SPATA16: variants seen among roughly 807,000 people sequenced by gnomAD.
SPATA16 encodes spermatogenesis associated 16, also known as spermatogenesis-associated protein 16.
Under a neutral mutation model 63.3 loss-of-function variants are expected in SPATA16, and 36 were observed. The ratio of observed to expected loss-of-function variants is 0.57; its 90% CI spans 0.44 to 0.75. The LOEUF (loss-of-function observed/expected upper bound fraction) is 0.75, where lower values mean the gene tolerates loss of function less well. SPATA16 is among the 30% of genes least tolerant of loss of function. SPATA16 has a pLI of 0.00. For missense variants in SPATA16, 646 were observed against 679.3 expected, an observed-to-expected ratio of 0.95 and a Z score of 0.54; for synonymous variants, 203 against 216.7, an observed-to-expected ratio of 0.94 and a Z score of 0.56.
intron 2 of SPATA16, among the ~76,000 whole-genome samples, chr3:173,076,345 C>T (rs912000001): frequency 1.3e-5 from 2 of 151,936 alleles, no homozygotes; most frequent in African/African-American, 4.8e-5. Flanking sequence ...TAGTTCTGAG[C>T]TCATTTAATC....
At chr3:172,912,374 A>G (rs1056318239) in intron 10 of SPATA16, among the ~76,000 whole-genome samples, 1 of 152,194 alleles carries the variant, frequency 6.6e-6, no homozygotes, top group Admixed American at 6.5e-5. Flanking sequence ...GCTGAGCACA[A>G]TATTTCCAAT....
chr3:173,072,177 CAG>C (rs1369063795), intron 2 of SPATA16, among the ~76,000 whole-genome samples: 1 of 152,116 alleles, frequency 6.6e-6, no homozygotes, highest in African/African-American at 2.4e-5. Context: ...TGCCCATAAA[CAG>C]AGGATTGGAT....
intron 1 of SPATA16, among the ~76,000 whole-genome samples, chr3:173,126,274 C>T (rs1162846456): frequency 6.6e-6 from 1 of 152,180 alleles, no homozygotes; most frequent in Non-Finnish European, 1.5e-5. Flanking sequence ...TCCATGAGGA[C>T]TCAATTGTAT....
At chr3:173,138,318 A>C (rs924251684) in intron 1 of SPATA16, among the ~76,000 whole-genome samples, 2 of 152,200 alleles carry the variant, frequency 1.3e-5, no homozygotes, top group Non-Finnish European at 2.9e-5. Context: ...GACCAGGTTG[A>C]GTGCCAGTAA....
intron 10 of SPATA16, among the ~76,000 whole-genome samples, chr3:172,895,312 T>G (rs895734400): frequency 3.9e-5 from 6 of 152,186 alleles, no homozygotes; most frequent in African/African-American, 7.2e-5. Context: ...TGACAACCAC[T>G]AATAAACTAA....
chr3:172,985,084 G>T (rs942501469), intron 4 of SPATA16, among the ~76,000 whole-genome samples: 2 of 152,148 alleles, frequency 1.3e-5, no homozygotes, highest in Non-Finnish European at 1.5e-5. Flanking sequence ...ATTCACTGTG[G>T]TTGATTCAAC....
At chr3:172,916,248 T>TTA in intron 9 of SPATA16, 69 bp downstream of exon 9, 1 of 1,538,986 alleles carries the variant, frequency 6.5e-7, no homozygotes, top group Non-Finnish European at 8.9e-7. Flanking sequence ...TTTTTTTTTT[T>TTA]CCCCAGACCA....
At chr3:172,920,162 C>T (rs1732587478) in intron 8 of SPATA16, among the ~76,000 whole-genome samples, 1 of 152,204 alleles carries the variant, frequency 6.6e-6, no homozygotes, top group Non-Finnish European at 1.5e-5. Context: ...TGAGCCCTAG[C>T]TGTGTGAACT....
chr3:172,993,177 C>T (rs908460175), intron 4 of SPATA16, among the ~76,000 whole-genome samples: 1 of 146,594 alleles, frequency 6.8e-6, no homozygotes, highest in African/African-American at 2.6e-5. Context: ...AAAATCCAAC[C>T]TTTGTTGGAT....
At chr3:173,134,144 A>G (rs1270864338) in intron 1 of SPATA16, among the ~76,000 whole-genome samples, 3 of 152,218 alleles carry the variant, frequency 2.0e-5, no homozygotes, top group African/African-American at 7.2e-5. Flanking sequence ...GAAAAGAATA[A>G]AAAGTCCAGT....
In SPATA16 at chr3:172,889,456, T is replaced by C. The variant is rs1731848845; in HGVS notation, c.*114A>G. The C allele has an allele frequency of 4.0e-6, 6 of 1,487,332 alleles. No individual in the cohort carries two copies. In the East Asian group the frequency reaches 1.4e-4, roughly 34 times the overall value. The allele number at this position is 1,487,332 out of a possible 1,614,324, so 92.1% of individuals were successfully genotyped here. On this transcript the variant is annotated 3_prime_UTR_variant, in exon 11 of 11. Coordinates refer to ENST00000351008, the MANE Select transcript of SPATA16 (RefSeq NM_031955.6). ...TGAACTGAGGGGAATACCACCTCTT[T>C]CTTTTGGTGACAAGCTTTTGTTATC...
chr3:173,015,958 A>AT (rs1735177648), intron 4 of SPATA16, among the ~76,000 whole-genome samples: 1 of 152,082 alleles, frequency 6.6e-6, no homozygotes, highest in Non-Finnish European at 1.5e-5. Flanking sequence ...GTCAACACAG[A>AT]TTTTTTGTAT....
intron 4 of SPATA16, among the ~76,000 whole-genome samples, chr3:172,978,182 G>C (rs1734213832): frequency 6.7e-6 from 1 of 149,382 alleles, no homozygotes; most frequent in Admixed American, 6.6e-5. Flanking sequence ...TATAAACACA[G>C]GTAGTATTGG....
At chr3:173,023,262 G>C (rs189071731) in intron 3 of SPATA16, among the ~76,000 whole-genome samples, 1 of 151,196 alleles carries the variant, frequency 6.6e-6, no homozygotes, top group African/African-American at 2.4e-5. Flanking sequence ...CAATTCGCTT[G>C]ATAAATAATC....
intron 4 of SPATA16, among the ~76,000 whole-genome samples, chr3:173,005,394 AAG>A (rs1479820784): frequency 2.0e-5 from 3 of 151,224 alleles, no homozygotes; most frequent in Non-Finnish European, 4.4e-5. Context: ...GAAGGGAGGG[AAG>A]AGATTTAACA....
intron 2 of SPATA16, among the ~76,000 whole-genome samples, chr3:173,092,940 C>A (rs530014725): frequency 1.3e-5 from 2 of 151,618 alleles, no homozygotes; most frequent in Non-Finnish European, 2.9e-5. Flanking sequence ...GAAGTAGTCC[C>A]CTCCTGTTAT....
chr3:173,013,708 T>C (rs1735121433), intron 4 of SPATA16, among the ~76,000 whole-genome samples: 2 of 152,252 alleles, frequency 1.3e-5, no homozygotes, highest in African/African-American at 4.8e-5. Flanking sequence ...ACCTTCACTA[T>C]GGCACCCAGG....
At chr3:173,084,212 T>C (rs993951522) in intron 2 of SPATA16, among the ~76,000 whole-genome samples, 1 of 151,972 alleles carries the variant, frequency 6.6e-6, no homozygotes, top group African/African-American at 2.4e-5. Flanking sequence ...ATAATTGTCA[T>C]TCTGTCATGA....
intron 4 of SPATA16, among the ~76,000 whole-genome samples, chr3:172,994,186 GT>G (rs1013910378): frequency 2.0e-5 from 3 of 152,102 alleles, no homozygotes; most frequent in Non-Finnish European, 4.4e-5. Context: ...CCAAGAGTAT[GT>G]GACTCCTGGT....
Sources: gnomAD v4.1 joint callset for allele counts (sites outside exome capture counted in the v4.1 genomes callset) on GRCh38, gnomAD v4.1.1 for gene constraint, MANE v1.5 for transcripts, NCBI Gene and HGNC (gene_info 2026-07-23, HGNC 2026-07-21) for gene names.